Variants in CSMD1 observed in about 807,000 individuals in gnomAD.
CSMD1 encodes the protein CUB and Sushi multiple domains 1.
In CSMD1, 213 loss-of-function variants were observed where a neutral mutation model predicts 417.5. That is an observed-to-expected ratio of 0.51 (90% CI 0.46 to 0.57). The LOEUF (loss-of-function observed/expected upper bound fraction) is 0.57, where lower values mean the gene tolerates loss of function less well. CSMD1 is among the 20% of genes least tolerant of loss of function. The probability of loss-of-function intolerance (pLI) is 0.00; values close to 1 mark genes in which losing one functional copy is unlikely to be tolerated. For synonymous variants in CSMD1, 2,862 were observed against 1,736.8 expected (o/e 1.65, Z -16.11); for missense variants, 6,923 against 4,529.7 (o/e 1.53, Z -15.17).
intron 10 of CSMD1, among the ~76,000 whole-genome samples, chr8:3,547,027 G>C (rs747491129): frequency 2.0e-5 from 3 of 152,154 alleles, no homozygotes; most frequent in South Asian, 4.1e-4. Context: ...TGTGGGGCTG[G>C]TCAGGGCCCC....
rs755230269 is a variant in CSMD1, at chr8:3,616,726, C to A, written c.1081G>T (p.Ala361Ser). 6.2e-7 allele frequency: 1 copy of A among 1,611,172 alleles called. No individual in the cohort carries two copies. Among genetic ancestry groups the A allele is most frequent in the Non-Finnish European group, 8.5e-7 (1 of 1,177,928 alleles). The change falls in exon 8 of 70, where the codon GCA (alanine) becomes TCA (serine). Residue 361 changes from alanine (A) to serine (S), a missense_variant. Physicochemically the swap from Ala to Ser is moderately conservative, Grantham distance 99. Transcript: ENST00000635120. ...ATCTCTTACCTGAAGTCGGAACCTG[C>A]TCTTCTACCATTTTCTGGAATCCCA... ...DPGIPENGRR[A>S]GSDFRVGANV...
intron 3 of CSMD1, among the ~76,000 whole-genome samples, chr8:4,091,144 C>T (rs1800699152): frequency 6.6e-6 from 1 of 152,050 alleles, no homozygotes; most frequent in African/African-American, 2.4e-5. Flanking sequence ...GTCTCGAATT[C>T]CTGACCTCAA....
intron 2 of CSMD1, among the ~76,000 whole-genome samples, chr8:4,435,351 TATTTA>T (rs1458977691): frequency 6.6e-6 from 1 of 152,142 alleles, no homozygotes; most frequent in Non-Finnish European, 1.5e-5. Context: ...TTTGAGGCCT[TATTTA>T]ATTATTAGGA....
At chr8:4,291,323 A>G (rs780819641) in intron 3 of CSMD1, among the ~76,000 whole-genome samples, 1 of 152,198 alleles carries the variant, frequency 6.6e-6, no homozygotes, top group Non-Finnish European at 1.5e-5. Flanking sequence ...GATAATGATC[A>G]TAATACTTTC....
chr8:4,148,886 T>A (rs1317981994), intron 3 of CSMD1, among the ~76,000 whole-genome samples: 1 of 152,194 alleles, frequency 6.6e-6, no homozygotes, highest in South Asian at 2.1e-4. Context: ...ACAGCCTGCA[T>A]TCCATTCCCA....
intron 10 of CSMD1, among the ~76,000 whole-genome samples, chr8:3,554,676 A>T (rs1429225890): frequency 6.6e-6 from 1 of 152,206 alleles, no homozygotes; most frequent in Non-Finnish European, 1.5e-5. Flanking sequence ...TGAGCTTGTT[A>T]GAGTTTTTTT....
chr8:4,250,879 C>G (rs1248967406), intron 3 of CSMD1, among the ~76,000 whole-genome samples: 1 of 152,080 alleles, frequency 6.6e-6, no homozygotes. Flanking sequence ...TTCCTACTAC[C>G]CTGATGAAAA....
chr8:3,939,409 G>C (rs543778123), intron 5 of CSMD1, among the ~76,000 whole-genome samples: 4 of 152,224 alleles, frequency 2.6e-5, no homozygotes, highest in African/African-American at 9.6e-5. Context: ...TACACTACTG[G>C]TGTGTGTATA....
intron 23 of CSMD1, among the ~76,000 whole-genome samples, chr8:3,318,455 G>GT (rs1218177629): frequency 6.6e-6 from 1 of 152,132 alleles, no homozygotes; most frequent in African/African-American, 2.4e-5. Flanking sequence ...ACTGACCTCA[G>GT]TCCTTGCTCA....
At chr8:4,934,236 C>T (rs571318804) in intron 1 of CSMD1, among the ~76,000 whole-genome samples, 5 of 152,214 alleles carry the variant, frequency 3.3e-5, no homozygotes, top group African/African-American at 9.6e-5. Context: ...CCAGACATCC[C>T]CCAAGGCAGA....
At chr8:3,807,979 A>G (rs1001784833) in intron 5 of CSMD1, among the ~76,000 whole-genome samples, 1 of 152,172 alleles carries the variant, frequency 6.6e-6, no homozygotes, top group African/African-American at 2.4e-5. Context: ...ATGCAGCCCT[A>G]TTCCTGTGTC....
intron 1 of CSMD1, among the ~76,000 whole-genome samples, chr8:4,919,875 T>A (rs1026729538): frequency 2.6e-5 from 4 of 152,094 alleles, no homozygotes; most frequent in Non-Finnish European, 5.9e-5. Context: ...GAGCATTCCT[T>A]CCCTCCAGAG....
intron 2 of CSMD1, among the ~76,000 whole-genome samples, chr8:4,493,433 C>A (rs1050041075): frequency 2.0e-5 from 3 of 152,082 alleles, no homozygotes; most frequent in Non-Finnish European, 4.4e-5. Context: ...TGGTGGTTCA[C>A]GCCTGTAATG....
At chr8:4,444,010 T>C (rs1798634544) in intron 2 of CSMD1, among the ~76,000 whole-genome samples, 1 of 152,008 alleles carries the variant, frequency 6.6e-6, no homozygotes. Context: ...AATGGTGACA[T>C]GTTAAGGAAG....
intron 5 of CSMD1, among the ~76,000 whole-genome samples, chr8:3,766,783 C>T (rs549164149): frequency 1.3e-5 from 2 of 152,134 alleles, no homozygotes; most frequent in African/African-American, 4.8e-5. Context: ...ACATTTTTCT[C>T]CTTAATCTTG....
chr8:3,911,396 C>T (rs1238010161), intron 5 of CSMD1, among the ~76,000 whole-genome samples: 6 of 151,638 alleles, frequency 4.0e-5, no homozygotes, highest in African/African-American at 9.7e-5. Flanking sequence ...GGTATGGTGG[C>T]GGGCGCCTGT....
At chr8:4,432,489 G>A (rs945813431) in intron 2 of CSMD1, among the ~76,000 whole-genome samples, 6 of 152,144 alleles carry the variant, frequency 3.9e-5, no homozygotes, top group Non-Finnish European at 8.8e-5. Context: ...CCTCCTTGGG[G>A]TGTCTACTAA....
intron 10 of CSMD1, among the ~76,000 whole-genome samples, chr8:3,513,261 T>G (rs550690037): frequency 6.6e-6 from 1 of 152,194 alleles, no homozygotes; most frequent in South Asian, 2.1e-4. Flanking sequence ...TTGGAAATTA[T>G]TTTGTTTTTT....
intron 2 of CSMD1, among the ~76,000 whole-genome samples, chr8:4,523,895 A>G (rs1007618397): frequency 6.6e-6 from 1 of 152,164 alleles, no homozygotes; most frequent in Non-Finnish European, 1.5e-5. Flanking sequence ...TTACAAAGCC[A>G]ATCATGATGC....
Sources: gnomAD v4.1 joint callset for allele counts (sites outside exome capture counted in the v4.1 genomes callset) on GRCh38, gnomAD v4.1.1 for gene constraint, MANE v1.5 for transcripts, NCBI Gene and HGNC (gene_info 2026-07-23, HGNC 2026-07-21) for gene names.